The following SHROOM2 variants were observed in gnomAD, a reference collection of about 807,000 sequenced individuals.
SHROOM2 encodes shroom family member 2.
In SHROOM2, 33 loss-of-function variants were observed where a neutral mutation model predicts 75.9. The observed-to-expected ratio is 0.43, with a 90% CI of 0.33 to 0.58. SHROOM2 has a LOEUF of 0.58. Ranked by LOEUF, SHROOM2 falls within the 20% of genes least tolerant of loss-of-function variation. SHROOM2 has a pLI of 0.04. For missense variants in SHROOM2, 1,434 were observed against 1,461.2 expected (o/e 0.98, Z 0.30); for synonymous variants, 655 against 663.6 (o/e 0.99, Z 0.20).
chrX:9,823,794 G>A (rs1338437165), intron 1 of SHROOM2, among the ~76,000 whole-genome samples: 4 of 79,456 alleles, frequency 5.0e-5, no homozygotes, highest in Non-Finnish European at 9.2e-5. Flanking sequence ...GGTCTTGCTC[G>A]TTTGCCCAGG....
intron 1 of SHROOM2, among the ~76,000 whole-genome samples, chrX:9,788,489 G>T (rs1335399359): frequency 1.8e-5 from 2 of 111,152 alleles, no homozygotes; most frequent in Admixed American, 1.9e-4. Flanking sequence ...AACAAGGCTG[G>T]TTCGGTCCTG....
At chrX:9,943,910 G>A (rs913722172) in intron 8 of SHROOM2, among the ~76,000 whole-genome samples, 8 of 109,682 alleles carry the variant, frequency 7.3e-5, no homozygotes, top group Non-Finnish European at 1.5e-4. Context: ...GGCCAGGCCC[G>A]GTGGCTCACA....
At chrX:9,869,312 A>G (rs770289789) in intron 1 of SHROOM2, among the ~76,000 whole-genome samples, 3 of 112,883 alleles carry the variant, frequency 2.7e-5, no homozygotes, top group Non-Finnish European at 5.6e-5. Context: ...GGTAAAATAC[A>G]CATAATATGA....
At chrX:9,869,881 C>T (rs190357620) in intron 1 of SHROOM2, among the ~76,000 whole-genome samples, 15 of 111,243 alleles carry the variant, frequency 1.3e-4, no homozygotes, top group African/African-American at 4.2e-4. Context: ...TTTGTGAGTA[C>T]GCAGTAGGTG....
At chrX:9,820,299 T>G (rs1304130290) in intron 1 of SHROOM2, among the ~76,000 whole-genome samples, 1 of 107,759 alleles carries the variant, frequency 9.3e-6, no homozygotes, top group Non-Finnish European at 1.9e-5. Flanking sequence ...TGGCCCTCCC[T>G]CCATCCTTTC....
intron 7 of SHROOM2, among the ~76,000 whole-genome samples, chrX:9,938,566 G>GA (rs949075279): frequency 4.5e-5 from 5 of 111,217 alleles, no homozygotes; most frequent in African/African-American, 6.5e-5. Flanking sequence ...AAATAGAAAT[G>GA]AAAAAAAATT....
intron 5 of SHROOM2, among the ~76,000 whole-genome samples, chrX:9,903,680 A>C (rs1267467647): frequency 9.0e-6 from 1 of 111,127 alleles, no homozygotes; most frequent in African/African-American, 3.3e-5. Flanking sequence ...AGTAGCTGGG[A>C]CTATAGGTGC....
At chrX:9,890,615 G>A (rs185637160) in intron 2 of SHROOM2, among the ~76,000 whole-genome samples, 1 of 112,472 alleles carries the variant, frequency 8.9e-6, no homozygotes, top group Non-Finnish European at 1.9e-5. Context: ...TGTTTGGCTC[G>A]AGCGCGCACG....
At chrX:9,864,544 C>T (rs1215041946) in intron 1 of SHROOM2, among the ~76,000 whole-genome samples, 1 of 110,994 alleles carries the variant, frequency 9.0e-6, no homozygotes, top group East Asian at 2.8e-4. Context: ...ATAGGCCGGG[C>T]GCGGTGGCTC....
intron 5 of SHROOM2, among the ~76,000 whole-genome samples, chrX:9,919,041 T>C (rs912185323): frequency 8.9e-6 from 1 of 112,122 alleles, no homozygotes; most frequent in African/African-American, 3.2e-5. Context: ...TCTTCCCTCC[T>C]CCCTTCCTTT....
chrX:9,915,990 C>T (rs769037332), intron 5 of SHROOM2, among the ~76,000 whole-genome samples: 1 of 112,340 alleles, frequency 8.9e-6, no homozygotes, highest in African/African-American at 3.2e-5. Flanking sequence ...TTCAAAATTA[C>T]TCCTGATTTT....
intron 1 of SHROOM2, among the ~76,000 whole-genome samples, chrX:9,816,363 G>T (rs1455842985): frequency 8.9e-6 from 1 of 112,400 alleles, no homozygotes; most frequent in Non-Finnish European, 1.9e-5. Context: ...CAAAAGAATA[G>T]GATTGGTCAT....
chrX:9,812,665 G>A (rs2083797999), intron 1 of SHROOM2, among the ~76,000 whole-genome samples: 1 of 112,225 alleles, frequency 8.9e-6, no homozygotes, highest in Admixed American at 9.5e-5. Flanking sequence ...GATCCAATTG[G>A]TATAATATCA....
chrX:9,941,775 T>G (rs1358400306), intron 8 of SHROOM2, among the ~76,000 whole-genome samples: 1 of 108,925 alleles, frequency 9.2e-6, no homozygotes, highest in African/African-American at 3.3e-5. Flanking sequence ...ATCGAGGCCA[T>G]CCTGGCTAAC....
Position 9,946,714 on chromosome X carries a change from A to G in SHROOM2, c.4628A>G (p.Glu1543Gly). 2 of 1,206,230 alleles carry G rather than the reference A, an allele frequency of 1.7e-6. No homozygotes were observed. Among genetic ancestry groups the G allele is most frequent in the South Asian group, 1.8e-5 (1 of 55,883 alleles). The change falls in exon 10 of 10, where the codon GAG becomes GGG. Residue 1543 changes from glutamate to glycine, a missense_variant. Transcript: ENST00000380913. ...EKQRVLIQQH[E>G]DAKELKENLD... ...CAGAGAGTCCTGATCCAGCAGCACG[A>G]GGACGCCAAGGAGCTCAAGGAGAAC...
At chrX:9,931,251 G>A (rs2084645788) in intron 5 of SHROOM2, among the ~76,000 whole-genome samples, 1 of 109,506 alleles carries the variant, frequency 9.1e-6, no homozygotes, top group Admixed American at 9.7e-5. Context: ...AACACTTTGG[G>A]ACCAGACCTC....
At chrX:9,816,062 T>C (rs921324568) in intron 1 of SHROOM2, among the ~76,000 whole-genome samples, 1 of 112,570 alleles carries the variant, frequency 8.9e-6, no homozygotes, top group Non-Finnish European at 1.9e-5. Context: ...CATTTGTGTC[T>C]GGTTTATCTC....
chrX:9,884,368 C>CTTTTTTTTTTTTTTT (rs1181815816), intron 2 of SHROOM2, among the ~76,000 whole-genome samples: 1 of 62,307 alleles, frequency 1.6e-5, no homozygotes. Flanking sequence ...TTTTTCTTTT[C>CTTTTTTTTTTTTTTT]TTTTTTTTTT....
chrX:9,815,996 G>A (rs2083819336), intron 1 of SHROOM2, among the ~76,000 whole-genome samples: 1 of 112,263 alleles, frequency 8.9e-6, no homozygotes, highest in South Asian at 3.7e-4. Context: ...CAGTTACTAT[G>A]TACGGATTTG....
Sources: gnomAD v4.1 joint callset for allele counts (sites outside exome capture counted in the v4.1 genomes callset) on GRCh38, gnomAD v4.1.1 for gene constraint, MANE v1.5 for transcripts, NCBI Gene and HGNC (gene_info 2026-07-23, HGNC 2026-07-21) for gene names.